The following ZNF560 variants were observed in gnomAD, a reference collection of about 807,000 sequenced individuals.
The protein encoded by ZNF560 is zinc finger protein 560.
ZNF560 carries 54 observed loss-of-function variants against 81.8 expected under a neutral mutation model. The observed-to-expected ratio is 0.66, with a 90% CI of 0.53 to 0.83. The LOEUF (loss-of-function observed/expected upper bound fraction) is 0.83, where lower values mean the gene tolerates loss of function less well. Among genes scored for constraint, ZNF560 ranks in the 40% least tolerant of loss-of-function variants. The pLI, the probability that ZNF560 is intolerant of heterozygous loss-of-function variation, is 0.00. For missense variants in ZNF560, 940 were observed against 932.4 expected, an observed-to-expected ratio of 1.01 and a Z score of -0.11; for synonymous variants, 321 against 317.9, an observed-to-expected ratio of 1.01 and a Z score of -0.10.
At position 9,467,079 on chromosome 19, in the gene ZNF560, G is replaced by A. The variant is rs898189045; in HGVS notation, c.1868C>T (p.Thr623Ile). The change falls in exon 10 of 10, where the codon ACT becomes ATT. Residue 623 changes from threonine to isoleucine, a missense_variant. Physicochemically the swap from Thr to Ile is moderately conservative, Grantham distance 89. Transcript: ENST00000301480. Reference sequence around the variant, plus strand: ...CTTATATTCATAGGGCTTATCTCCAGTGTGTCTTCGTAAATGTTTAGTAAG... The same window carrying A: ...CTTATATTCATAGGGCTTATCTCCAATGTGTCTTCGTAAATGTTTAGTAAG... ...SDLTKHLRRH[T>I]GDKPYEYKDC... 6 of 1,613,970 alleles carry A rather than the reference G, an allele frequency of 3.7e-6. No individual in the cohort carries two copies. Among genetic ancestry groups the A allele is most frequent in the Admixed American group, 1.7e-5 (1 of 60,008 alleles).
intron 2 of ZNF560, among the ~76,000 whole-genome samples, chr19:9,478,648 A>T (rs1350286207): frequency 6.6e-6 from 1 of 152,172 alleles, no homozygotes; most frequent in Non-Finnish European, 1.5e-5. Context: ...AAATAAAATG[A>T]GGAGAGGTTG....
At chr19:9,469,307 GT>G in intron 8 of ZNF560, 120 bp from the exon 9 acceptor site, 2 of 720,294 alleles carry the variant, frequency 2.8e-6, no homozygotes, top group Non-Finnish European at 4.5e-6. Flanking sequence ...ATGGGGTCAA[GT>G]TTTAGTAATT....
the ZNF560 span, among the ~76,000 whole-genome samples, chr19:9,450,290 C>CAA: frequency 0.019 from 2,845 of 146,640 alleles, 63 homozygotes; most frequent in African/African-American, 0.053. Flanking sequence ...GACTTTGTCT[C>CAA]AAAAAAAAAA....
At chr19:9,461,298 CTT>C in the ZNF560 span, among the ~76,000 whole-genome samples, 4 of 152,152 alleles carry the variant, frequency 2.6e-5, 1 homozygote, top group Non-Finnish European at 5.9e-5. Flanking sequence ...AGATTGTCCT[CTT>C]GTGTGAACTC....
At chr19:9,503,894 T>G in the ZNF560 span, among the ~76,000 whole-genome samples, 1 of 152,172 alleles carries the variant, frequency 6.6e-6, no homozygotes, top group Non-Finnish European at 1.5e-5. Flanking sequence ...TAAAGTGATA[T>G]TATAATTTAT....
intron 2 of ZNF560, among the ~76,000 whole-genome samples, chr19:9,482,693 C>T (rs866096375): frequency 0.013 from 1,909 of 148,978 alleles, 42 homozygotes; most frequent in African/African-American, 0.044. Flanking sequence ...TCTCTTTCCA[C>T]GGTCTCCCTC....
At chr19:9,500,583 A>AT (rs368413875), upstream of ZNF560, among the ~76,000 whole-genome samples, 355 of 148,858 alleles carry the variant, frequency 2.4e-3, 2 homozygotes, top group African/African-American at 7.8e-3. Context: ...AGTTTTCTTA[A>AT]TTTTTTTTTT....
intron 8 of ZNF560, 31 bp from the exon 9 acceptor site, chr19:9,469,218 G>A: frequency 6.8e-7 from 1 of 1,466,238 alleles, no homozygotes; most frequent in East Asian, 2.3e-5. Flanking sequence ...ATACATGAGA[G>A]TTTACACATG....
the ZNF560 span, among the ~76,000 whole-genome samples, chr19:9,449,016 A>G: frequency 6.6e-6 from 1 of 152,258 alleles, no homozygotes; most frequent in Admixed American, 6.5e-5. Context: ...TCATAAAACA[A>G]GTACTTCTAG....
downstream of ZNF560, among the ~76,000 whole-genome samples, chr19:9,464,063 A>G (rs2072977144): frequency 6.6e-6 from 1 of 152,216 alleles, no homozygotes; most frequent in African/African-American, 2.4e-5. Flanking sequence ...AGAATCACCA[A>G]GAAACAACAG....
the ZNF560 span, among the ~76,000 whole-genome samples, chr19:9,456,649 C>T: frequency 1.3e-5 from 2 of 152,158 alleles, no homozygotes; most frequent in African/African-American, 4.8e-5. Context: ...GTCTGCATGG[C>T]CAATTCAGCC....
At chr19:9,481,218 T>C (rs1568459866) in intron 2 of ZNF560, among the ~76,000 whole-genome samples, 1 of 152,008 alleles carries the variant, frequency 6.6e-6, no homozygotes, top group Non-Finnish European at 1.5e-5. Flanking sequence ...TGGCTAGCCA[T>C]ATGTAGAAAG....
chr19:9,462,841 C>T (rs1352939494), downstream of ZNF560, among the ~76,000 whole-genome samples: 1 of 152,094 alleles, frequency 6.6e-6, no homozygotes, highest in Non-Finnish European at 1.5e-5. Flanking sequence ...TCCTAGGTAC[C>T]TGAATTTTCT....
chr19:9,456,576 G>T, the ZNF560 span, among the ~76,000 whole-genome samples: 1 of 152,164 alleles, frequency 6.6e-6, no homozygotes, highest in Admixed American at 6.5e-5. Flanking sequence ...TTCAGCGAAA[G>T]AAATTTAAAG....
At chr19:9,489,286 G>A (rs543395997) in intron 2 of ZNF560, among the ~76,000 whole-genome samples, 105 of 152,024 alleles carry the variant, frequency 6.9e-4, no homozygotes, top group Non-Finnish European at 9.4e-4. Flanking sequence ...CAGACAGTGC[G>A]GCGGCCGGTT....
chr19:9,475,402 A>G (rs1303924616), intron 2 of ZNF560, 33 bp from the exon 3 acceptor site: 2 of 1,290,510 alleles, frequency 1.5e-6, no homozygotes, highest in Non-Finnish European at 2.2e-6. Flanking sequence ...GAGCCCAGAC[A>G]TAATCACAGT....
In ZNF560 at chr19:9,468,971, G is replaced by T; in HGVS notation, c.612+134C>A. 4.7e-6 allele frequency: 3 copies of T among 644,816 alleles called. No homozygotes were observed. In the South Asian group the frequency reaches 5.4e-5, roughly 12 times the overall value. The allele number at this position is 644,816 out of a possible 1,614,324, so 39.9% of individuals were successfully genotyped here. A position where few individuals can be genotyped will look rare whatever the true frequency, so the allele number is the denominator to read the frequency against. On this transcript the variant is annotated intron_variant, in intron 9 of 9. Transcript: ENST00000301480. ...TCTCGAACTCCTGACCTCATGATCCGCCTGCCTCAGCCTCCCAAAGTGCTG... is the reference window on the plus strand; with the variant it reads ...TCTCGAACTCCTGACCTCATGATCCTCCTGCCTCAGCCTCCCAAAGTGCTG...
At chr19:9,482,857 G>T (rs1448787557) in intron 2 of ZNF560, among the ~76,000 whole-genome samples, 1 of 152,170 alleles carries the variant, frequency 6.6e-6, no homozygotes, top group Non-Finnish European at 1.5e-5. Context: ...TGGAGACGGG[G>T]TTTTGCTGTG....
intron 2 of ZNF560, among the ~76,000 whole-genome samples, chr19:9,479,608 G>A (rs2073254163): frequency 6.6e-6 from 1 of 151,690 alleles, no homozygotes; most frequent in Non-Finnish European, 1.5e-5. Flanking sequence ...CACTTATTAG[G>A]GTAGATTCAA....
Sources: allele counts gnomAD v4.1 joint callset (sites outside exome capture counted in the v4.1 genomes callset), GRCh38; gene constraint gnomAD v4.1.1; transcripts MANE v1.5; gene names NCBI Gene and HGNC (gene_info 2026-07-23, HGNC 2026-07-21).